Variants in KIF13A observed in about 807,000 individuals in gnomAD.
The protein encoded by KIF13A is kinesin-like protein KIF13A.
A neutral mutation model predicts 212.2 loss-of-function variants in KIF13A; 79 were observed. That is an observed-to-expected ratio of 0.37 (90% confidence interval 0.31 to 0.45). The LOEUF (loss-of-function observed/expected upper bound fraction) is 0.45, where lower values mean the gene tolerates loss of function less well. Ranked by LOEUF, KIF13A falls within the 20% of genes least tolerant of loss-of-function variation. The pLI, the probability that KIF13A is intolerant of heterozygous loss-of-function variation, is 1.00. For synonymous variants in KIF13A, 789 were observed against 808.6 expected, an observed-to-expected ratio of 0.98 and a Z score of 0.41; for missense variants, 1,901 against 2,209.0, an observed-to-expected ratio of 0.86 and a Z score of 2.79.
Position 17,763,795 on chromosome 6 carries a change from T to C in KIF13A, c.*315A>G. On this transcript the variant is annotated 3_prime_UTR_variant, in exon 39 of 39. Transcript: ENST00000259711. The stretch of plus-strand genomic sequence containing the variant: ...GAATCACAGATTTGATGAAATATGG[T>C]AGATGCTACCAGAACACTTTGGGAA... 1 of 1,114,846 alleles carries C rather than the reference T, an allele frequency of 9.0e-7. No homozygotes were observed. The highest frequency in any genetic ancestry group is 1.1e-6 in the Non-Finnish European group (1 of 902,386). 69.1% of individuals were successfully genotyped at this position (1,114,846 alleles called of 1,614,324 possible).
rs188230658 is a variant in KIF13A at position 17,908,249 on chromosome 6, A to T, written c.147-10069T>A. On this transcript the variant is annotated intron_variant, in intron 2 of 38. Coordinates refer to ENST00000259711, the MANE Select transcript of KIF13A (RefSeq NM_022113.6). ...CCTTGAAGCAGACCTGATGGAATGA[A>T]TGAAGAAAAAAATGGCTTCCTTTCA... is the stretch of plus-strand genomic sequence containing the variant. Among the ~76,000 whole-genome samples, 841 of 152,292 alleles carry T rather than the reference A, an allele frequency of 5.5e-3. 13 individuals are homozygous for T. Among genetic ancestry groups the T allele is most frequent in the African/African-American group, 0.019 (777 of 41,560 alleles).
chr6:17,815,508 C>A, intron 17 of KIF13A: 1 of 297,760 alleles, frequency 3.4e-6, no homozygotes, highest in East Asian at 9.6e-5. Context: ...ACTGGCCTTA[C>A]CACTAGACCA....
rs1005258230 is a variant in KIF13A at position 17,785,085 on chromosome 6, C to A, written c.3488+430G>T. On this transcript the variant is annotated intron_variant, in intron 28 of 38. Coordinates refer to ENST00000259711, the MANE Select transcript of KIF13A (RefSeq NM_022113.6). The surrounding 1 kb of genome is among the most constrained non-coding windows in gnomAD (Gnocchi z 5.8). ...ATGGGTATGAAAGGTGTTTTATACA[C>A]ATTACAATATACAAGATAGTATTAT... Among the ~76,000 whole-genome samples the A allele has an allele frequency of 6.6e-6, 1 of 152,134 alleles. No homozygotes were observed. The highest frequency in any genetic ancestry group is 1.5e-5 in the Non-Finnish European group (1 of 68,030).
chr6:17,802,355 G>C (rs1762538022), intron 20 of KIF13A, among the ~76,000 whole-genome samples: 1 of 151,144 alleles, frequency 6.6e-6, no homozygotes, highest in Admixed American at 6.6e-5. Context: ...GCAATGGCGC[G>C]ATCTCGGCTC....
rs1210187386 is a variant in KIF13A at position 17,772,390 on chromosome 6, G to T, written c.4325-331C>A. ...TGCCACTGCACTCCAGCCCGGGCAA[G>T]AGAGAGAGAGGGAGACCCTGTCTAA... On this transcript the variant is annotated intron_variant, in intron 36 of 38. Transcript: ENST00000259711. The surrounding 1 kb of genome is among the most constrained non-coding windows in gnomAD (Gnocchi z 4.8). Among the ~76,000 whole-genome samples the T allele has an allele frequency of 6.6e-6, 1 of 151,728 alleles. No homozygotes were observed. The highest frequency in any genetic ancestry group is 2.4e-5 in the African/African-American group (1 of 41,354).
chr6:17,828,526 C>T lies in KIF13A; in HGVS notation c.1402-156G>A, dbSNP rs769680502. Among the ~76,000 whole-genome samples, 9 of 151,888 alleles carry T rather than the reference C, an allele frequency of 5.9e-5. No individual in the cohort carries two copies. The highest frequency in any genetic ancestry group is 2.1e-4 in the South Asian group (1 of 4,826). ...AATATCTTAAGCATTAAAAGTAAAACGCTTACCCTTAATACACCAAATTAA... is the reference window on the plus strand; with the variant it reads ...AATATCTTAAGCATTAAAAGTAAAATGCTTACCCTTAATACACCAAATTAA... On this transcript the variant is annotated intron_variant, in intron 13 of 38. Transcript: ENST00000259711. The surrounding 1 kb of genome is among the most constrained non-coding windows in gnomAD (Gnocchi z 4.3).
chr6:17,760,721 G>T, downstream of KIF13A: 1 of 835,490 alleles, frequency 1.2e-6, no homozygotes, highest in Non-Finnish European at 2.0e-6. Flanking sequence ...GGAAGTGCAC[G>T]GTGTGGATTC....
chr6:17,975,110 G>A (rs891546484), intron 2 of KIF13A, among the ~76,000 whole-genome samples: 1 of 152,150 alleles, frequency 6.6e-6, no homozygotes, highest in African/African-American at 2.4e-5. Flanking sequence ...TTGAGAGAAA[G>A]AGGAGGGCAG....
chr6:17,796,401 C>T (rs906482682), intron 23 of KIF13A, among the ~76,000 whole-genome samples: 1 of 151,394 alleles, frequency 6.6e-6, no homozygotes, highest in Non-Finnish European at 1.5e-5. Context: ...CGTGCCACCA[C>T]ACCTGGGTAA....
intron 4 of KIF13A, among the ~76,000 whole-genome samples, chr6:17,864,894 T>C (rs544883585): frequency 6.6e-6 from 1 of 152,316 alleles, no homozygotes; most frequent in African/African-American, 2.4e-5. Context: ...CATGTGTGTG[T>C]ACTGGGAGAT....
chr6:17,782,830 C>T (rs572534534), intron 29 of KIF13A, among the ~76,000 whole-genome samples: 1 of 152,198 alleles, frequency 6.6e-6, no homozygotes, highest in East Asian at 1.9e-4. Context: ...CTTCTTCCAA[C>T]ATCCTATCCA....
Position 17,764,878 on chromosome 6 carries a change from TACATAAGGCTGTGA to T in KIF13A, c.4636_4649del (p.Ser1546ThrfsTer6), listed in dbSNP as rs1181297849. ...CACTGAAGTCAGCAAACTCCACAGG[TACATAAGGCTGTGA>T]ACTTATTAGCTTCCTGTTAATAGCT... is the stretch of plus-strand genomic sequence containing the variant. On this transcript the variant is annotated frameshift_variant, in exon 39 of 39. Transcript: ENST00000259711. LOFTEE classifies it low-confidence loss of function (END_TRUNC). This position sits in a 1 kb window ranked among gnomAD's most constrained non-coding sequence, Gnocchi z 5.1. 4 of 1,613,712 alleles carry T rather than the reference TACATAAGGCTGTGA, an allele frequency of 2.5e-6. No individual in the cohort carries two copies. The highest frequency in any genetic ancestry group is 2.5e-6 in the Non-Finnish European group (3 of 1,179,784).
At chr6:17,946,728 CTA>C (rs1777433289) in intron 2 of KIF13A, among the ~76,000 whole-genome samples, 1 of 152,174 alleles carries the variant, frequency 6.6e-6, no homozygotes, top group African/African-American at 2.4e-5. Flanking sequence ...TGCACATATG[CTA>C]TGATCCAGCA....
rs925907732 is a variant in KIF13A, at chr6:17,768,578, G to A, written c.4581+2536C>T. Among the ~76,000 whole-genome samples, 5 of 152,172 alleles carry A rather than the reference G, an allele frequency of 3.3e-5. No individual in the cohort carries two copies. The highest frequency in any genetic ancestry group is 9.7e-5 in the African/African-American group (4 of 41,426). ...CCCTTTATCTGAAGAGCAGCTGCAG[G>A]GCATACTGGAATTGCACTATATTTG... On this transcript the variant is annotated intron_variant, in intron 38 of 38. Coordinates refer to ENST00000259711, the MANE Select transcript of KIF13A (RefSeq NM_022113.6). The surrounding 1 kb of genome is among the most constrained non-coding windows in gnomAD (Gnocchi z 5.4).
At chr6:17,857,425 AG>A (rs1768250024) in intron 4 of KIF13A, among the ~76,000 whole-genome samples, 3 of 152,172 alleles carry the variant, frequency 2.0e-5, no homozygotes, top group African/African-American at 7.2e-5. Flanking sequence ...GCTTCCTTTG[AG>A]TTCTTTTCTC....
chr6:17,871,257 T>C lies in KIF13A; in HGVS notation c.220+2120A>G, dbSNP rs542748325. Among the ~76,000 whole-genome samples the C allele has an allele frequency of 2.0e-5, 3 of 152,270 alleles. No individual in the cohort carries two copies. Among genetic ancestry groups the C allele is most frequent in the African/African-American group, 7.2e-5 (3 of 41,548 alleles). ...ATGTATGTGTTGTCTCAAATACTTA[T>C]CTCCTCTATGTTCCATCTGCTCTCT... On this transcript the variant is annotated intron_variant, in intron 4 of 38. Transcript: ENST00000259711. The surrounding 1 kb of genome is among the most constrained non-coding windows in gnomAD (Gnocchi z 4.4).
chr6:17,797,473 C>T (rs565674308), intron 22 of KIF13A, among the ~76,000 whole-genome samples: 1 of 152,310 alleles, frequency 6.6e-6, no homozygotes, highest in African/African-American at 2.4e-5. Flanking sequence ...TTTCAGCTGG[C>T]ATAGACTAAC....
Position 17,773,650 on chromosome 6 carries a change from G to T in KIF13A, c.4219-67C>A, listed in dbSNP as rs866912983. ...CAAAATAAGAAATAAAGCCCAGGTT[G>T]GAGTTTCTTCTGTTTTTTTTTAATG... On this transcript the variant is annotated intron_variant, in intron 35 of 38. Transcript: ENST00000259711. The surrounding 1 kb of genome is among the most constrained non-coding windows in gnomAD (Gnocchi z 4.2). The T allele has an allele frequency of 3.1e-5, 27 of 864,068 alleles. No homozygotes were observed. In the Middle Eastern group the frequency reaches 1.2e-3, roughly 37 times the overall value. The allele number at this position is 864,068 out of a possible 1,614,324, so 53.5% of individuals were successfully genotyped here. A position where few individuals can be genotyped will look rare whatever the true frequency, so the allele number is the denominator to read the frequency against.
At position 17,872,098 on chromosome 6, in the gene KIF13A, G is replaced by T. The variant is rs114157579; in HGVS notation, c.220+1279C>A. Among the ~76,000 whole-genome samples the T allele has an allele frequency of 0.014, 2,179 of 152,248 alleles. 39 individuals carry two copies. Among genetic ancestry groups the T allele is most frequent in the Middle Eastern group, 0.044 (13 of 294 alleles). Reference sequence around the variant, plus strand: ...TTTAATAAAATATATTGCTCAAGTTGTAGGAATGATATTTGGAAAGGCTAA... The same window carrying T: ...TTTAATAAAATATATTGCTCAAGTTTTAGGAATGATATTTGGAAAGGCTAA... On this transcript the variant is annotated intron_variant, in intron 4 of 38. Coordinates refer to ENST00000259711, the MANE Select transcript of KIF13A (RefSeq NM_022113.6). The surrounding 1 kb of genome is among the most constrained non-coding windows in gnomAD (Gnocchi z 4.7).
Sources: allele counts gnomAD v4.1 joint callset (sites outside exome capture counted in the v4.1 genomes callset), GRCh38; gene constraint gnomAD v4.1.1; non-coding constraint Gnocchi (gnomAD v3.1); transcripts MANE v1.5; gene names NCBI Gene and HGNC (gene_info 2026-07-23, HGNC 2026-07-21).